The following TBL1X variants were observed in gnomAD, a reference collection of about 807,000 sequenced individuals.
TBL1X encodes the protein transducin beta like 1 X-linked, also known as F-box-like/WD repeat-containing protein TBL1X.
A neutral mutation model predicts 50.7 loss-of-function variants in TBL1X; 10 were observed. The observed-to-expected ratio is 0.20, with a 90% CI of 0.12 to 0.33. The LOEUF is 0.33. Among genes scored for constraint, TBL1X ranks in the 10% least tolerant of loss-of-function variants. The pLI is 1.00. For missense variants in TBL1X, 340 were observed against 504.4 expected, an observed-to-expected ratio of 0.67 and a Z score of 3.12; for synonymous variants, 190 against 214.7, an observed-to-expected ratio of 0.88 and a Z score of 1.01.
chrX:9,601,192 T>C (rs987861885), intron 2 of TBL1X, among the ~76,000 whole-genome samples: 2 of 111,328 alleles, frequency 1.8e-5, no homozygotes, highest in Non-Finnish European at 3.8e-5. Context: ...GCCCCCTTTT[T>C]CCAGCTCCCA....
intron 2 of TBL1X, among the ~76,000 whole-genome samples, chrX:9,625,783 C>CA (rs1424970822): frequency 1.8e-5 from 2 of 111,576 alleles, no homozygotes; most frequent in African/African-American, 6.5e-5. Context: ...ACTAAAAATA[C>CA]AAAAAATTAG....
intron 15 of TBL1X, among the ~76,000 whole-genome samples, 166 bp downstream of exon 15, chrX:9,709,926 A>G (rs955124399): frequency 1.8e-5 from 2 of 112,821 alleles, no homozygotes; most frequent in Non-Finnish European, 3.8e-5. Flanking sequence ...CCTGCCTTTG[A>G]GGTAAGGATG....
chrX:9,555,927 C>G (rs1003912873), intron 2 of TBL1X, among the ~76,000 whole-genome samples: 1 of 111,572 alleles, frequency 9.0e-6, no homozygotes. Context: ...GTAGCTTACA[C>G]TTGGAATCCC....
chrX:9,625,676 C>T (rs1046711119), intron 2 of TBL1X, among the ~76,000 whole-genome samples: 20 of 112,573 alleles, frequency 1.8e-4, no homozygotes, highest in African/African-American at 4.2e-4. Context: ...CGGTGGCTCA[C>T]GCCTGTAATC....
chrX:9,624,509 G>A (rs2082682672), intron 2 of TBL1X, among the ~76,000 whole-genome samples: 1 of 111,414 alleles, frequency 9.0e-6, no homozygotes, highest in African/African-American at 3.3e-5. Flanking sequence ...TATTCATGAG[G>A]GTGATCTTAG....
chrX:9,697,622 C>G (rs1025848209), intron 12 of TBL1X, among the ~76,000 whole-genome samples, 193 bp downstream of exon 12: 32 of 111,853 alleles, frequency 2.9e-4, no homozygotes, highest in Non-Finnish European at 1.9e-5. Context: ...AATACGATAA[C>G]TAGCCAGGCG....
intron 2 of TBL1X, among the ~76,000 whole-genome samples, chrX:9,593,409 AAT>A (rs199796187): frequency 0.04 from 3,875 of 97,932 alleles, 70 homozygotes; most frequent in African/African-American, 0.1. Context: ...TCTTAAAAAT[AAT>A]AATAATAATA....
intron 2 of TBL1X, among the ~76,000 whole-genome samples, chrX:9,548,859 C>T (rs979520683): frequency 8.9e-6 from 1 of 112,806 alleles, no homozygotes; most frequent in Non-Finnish European, 1.9e-5. Flanking sequence ...TTTGTGTTTT[C>T]TTGATACGCA....
chrX:9,651,011 CTTTTTTTTTTTTTTT>C (rs572743375), intron 3 of TBL1X, among the ~76,000 whole-genome samples: 18 of 30,911 alleles, frequency 5.8e-4, no homozygotes, highest in African/African-American at 2.3e-3. Flanking sequence ...AGCTGCCAGC[CTTTTTTTTTTTTTTT>C]TTTTTTTTTT....
chrX:9,681,404 G>T (rs1433814116), intron 5 of TBL1X, among the ~76,000 whole-genome samples: 2 of 112,444 alleles, frequency 1.8e-5, no homozygotes. Context: ...CCTTGGGCGG[G>T]TTACCTGATG....
chrX:9,499,515 G>T (rs2081989411), intron 1 of TBL1X, among the ~76,000 whole-genome samples: 1 of 111,817 alleles, frequency 8.9e-6, no homozygotes, highest in Non-Finnish European at 1.9e-5. Flanking sequence ...GCCGAGAGAG[G>T]AACAGAACTA....
intron 2 of TBL1X, among the ~76,000 whole-genome samples, chrX:9,545,609 AT>A (rs1040327372): frequency 1.8e-5 from 2 of 109,507 alleles, no homozygotes; most frequent in Non-Finnish European, 3.8e-5. Context: ...ATCGTTAAAC[AT>A]TTTTACCAAA....
At chrX:9,472,925 AAT>A (rs1169151606) in intron 1 of TBL1X, among the ~76,000 whole-genome samples, 10 of 106,397 alleles carry the variant, frequency 9.4e-5, no homozygotes, top group Admixed American at 6.0e-4. Context: ...AAAAAAAAAC[AAT>A]AATTTTAAGA....
chrX:9,653,750 C>T, intron 4 of TBL1X, 61 bp downstream of exon 4: 1 of 1,025,783 alleles, frequency 9.7e-7, no homozygotes, highest in Non-Finnish European at 1.3e-6. Context: ...GTTGACATGG[C>T]CGCGGGTGTA....
chrX:9,485,793 C>T (rs1377122688), intron 1 of TBL1X, among the ~76,000 whole-genome samples: 2 of 112,300 alleles, frequency 1.8e-5, no homozygotes, highest in Non-Finnish European at 3.8e-5. Flanking sequence ...CAACCAGTCT[C>T]AAATCAATTC....
chrX:9,687,874 C>T, intron 6 of TBL1X, 143 bp from the exon 7 acceptor site: 9 of 1,057,124 alleles, frequency 8.5e-6, no homozygotes, highest in South Asian at 2.6e-5. Flanking sequence ...AGGTCCATGC[C>T]GCTTCCCCCG....
chrX:9,546,236 T>C (rs1035481585), intron 2 of TBL1X, among the ~76,000 whole-genome samples: 2 of 112,223 alleles, frequency 1.8e-5, no homozygotes, highest in Non-Finnish European at 3.8e-5. Context: ...AACTATGGCT[T>C]GCCGTGGTGA....
chrX:9,636,491 C>CAA (rs1366694223), intron 2 of TBL1X: 1 of 91,437 alleles, frequency 1.1e-5, no homozygotes, highest in Non-Finnish European at 2.2e-5. Flanking sequence ...AGCAAAACAA[C>CAA]AACAACAACA....
chrX:9,576,711 A>AAC (rs1269407934), intron 2 of TBL1X, among the ~76,000 whole-genome samples: 2 of 107,709 alleles, frequency 1.9e-5, no homozygotes, highest in African/African-American at 6.8e-5. Context: ...AAAAAAAAAA[A>AAC]AAAAACATCG....
Sources: gnomAD v4.1 joint callset for allele counts (sites outside exome capture counted in the v4.1 genomes callset) on GRCh38, gnomAD v4.1.1 for gene constraint, MANE v1.5 for transcripts, NCBI Gene and HGNC (gene_info 2026-07-23, HGNC 2026-07-21) for gene names.